The following WDHD1 variants were observed in gnomAD, a reference collection of about 807,000 sequenced individuals.
WDHD1 encodes the protein WD repeat and HMG-box DNA-binding protein 1.
A neutral mutation model predicts 135.4 loss-of-function variants in WDHD1; 111 were observed. The ratio of observed to expected loss-of-function variants is 0.82; its 90% CI spans 0.70 to 0.96. The LOEUF (loss-of-function observed/expected upper bound fraction) is 0.96. Among genes scored for constraint, WDHD1 ranks in the 40% least tolerant of loss-of-function variants. The pLI, the probability that WDHD1 is intolerant of heterozygous loss-of-function variation, is 0.00. For missense variants in WDHD1, 1,351 were observed against 1,336.3 expected (o/e 1.01, Z -0.17); for synonymous variants, 434 against 439.0 (o/e 0.99, Z 0.14).
rs980033156 is a variant in WDHD1, at chr14:54,960,165, T to G, written c.2701+2333A>C. On this transcript the variant is annotated intron_variant, in intron 21 of 25. Coordinates refer to ENST00000360586, the MANE Select transcript of WDHD1 (RefSeq NM_007086.4). ...TCTCATTTGGACTGCCTCTGTAGTT[T>G]GTTTGTTTATTTATTTATTTGAGAT... Among the ~76,000 whole-genome samples, 3 of 152,210 alleles carry G rather than the reference T, an allele frequency of 2.0e-5. No individual in the cohort carries two copies. The South Asian group carries it at 6.2e-4, about 32-fold the overall frequency.
At position 54,939,024 on chromosome 14, in the gene WDHD1, G is replaced by A. The variant is rs1432330460; in HGVS notation, c.*2466C>T. 6.6e-6 allele frequency: 1 copy of A among 152,032 alleles called. No homozygotes were observed. Among genetic ancestry groups the A allele is most frequent in the Non-Finnish European group, 1.5e-5 (1 of 68,014 alleles). 9.4% of individuals were successfully genotyped at this position (152,032 alleles called of 1,614,324 possible). On this transcript the variant is annotated 3_prime_UTR_variant, in exon 26 of 26. Transcript: ENST00000360586. ...ATGAAGTATATGCATATTCCAAATG[G>A]TTCAGGAAAAATCCTGTCTATAAAG...
intron 7 of WDHD1, among the ~76,000 whole-genome samples, chr14:55,003,344 T>A (rs1438058072): frequency 6.6e-6 from 1 of 151,720 alleles, no homozygotes; most frequent in Admixed American, 6.6e-5. Context: ...ACCCTGTCTC[T>A]ACAAAAAATA....
At chr14:55,021,113 G>A (rs1056738251) in intron 2 of WDHD1, among the ~76,000 whole-genome samples, 5 of 152,200 alleles carry the variant, frequency 3.3e-5, no homozygotes, top group Admixed American at 2.0e-4. Flanking sequence ...CATAATTTCC[G>A]TCTGACTCTT....
Position 55,007,294 on chromosome 14 carries a change from G to A in WDHD1, c.586C>T (p.Pro196Ser). 1 of 1,588,800 alleles carries A rather than the reference G, an allele frequency of 6.3e-7. No homozygotes were observed. The highest frequency in any genetic ancestry group is 1.7e-4 in the Middle Eastern group (1 of 5,964). ...AKSICRLAWQ[P>S]KSGKLLAIPV... is the part of the protein sequence containing the mutation. ...GAATCACTTACCTTCCCACTTTTTG[G>A]CTGCCAAGCAAGTCTGCAGATTGAT... is the stretch of plus-strand genomic sequence containing the variant. The change falls in exon 7 of 26, where the codon CCA becomes TCA. Residue 196 changes from proline (P) to serine (S), a missense_variant. By Grantham distance (74) the Pro-to-Ser change is moderately conservative. Transcript: ENST00000360586.
At chr14:55,009,008 G>A (rs1235691808) in intron 4 of WDHD1, among the ~76,000 whole-genome samples, 1 of 152,036 alleles carries the variant, frequency 6.6e-6, no homozygotes, top group Non-Finnish European at 1.5e-5. Flanking sequence ...TGTTGGTCAG[G>A]CTGGTCTTGA....
chr14:55,013,194 C>CAA lies in WDHD1; in HGVS notation c.189+289_189+290dup, dbSNP rs71448422. 1.8e-3 allele frequency among the ~76,000 whole-genome samples: 148 copies of CAA among 82,280 alleles called. 1 individual carries two copies. The highest frequency in any genetic ancestry group is 0.01 in the Middle Eastern group (1 of 98). The allele number at this position is 82,280 out of a possible 152,430, so 54.0% of individuals were successfully genotyped here. On this transcript the variant is annotated intron_variant, in intron 3 of 25. Transcript: ENST00000360586. Reference sequence around the variant, plus strand: ...TGAGCAACATGGCAAGATCCCGTTTCAAAAAAAAAAAAAAAAAAAAAAAAT... The same window carrying CAA: ...TGAGCAACATGGCAAGATCCCGTTTCAAAAAAAAAAAAAAAAAAAAAAAAAAT...
chr14:54,959,520 T>G (rs1294995988), intron 21 of WDHD1, among the ~76,000 whole-genome samples: 1 of 151,952 alleles, frequency 6.6e-6, no homozygotes, highest in Admixed American at 6.6e-5. Flanking sequence ...CCGAAAATTT[T>G]GGGAGGCTAA....
intron 25 of WDHD1, among the ~76,000 whole-genome samples, chr14:54,943,579 G>A (rs1308244442): frequency 6.6e-6 from 1 of 151,960 alleles, no homozygotes; most frequent in East Asian, 1.9e-4. Context: ...TTAAATTTTT[G>A]TAGAGATGGT....
Position 54,941,504 on chromosome 14 carries a change from A to C in WDHD1, c.3376T>G (p.Phe1126Val). The change falls in exon 26 of 26, where the codon TTT becomes GTT. Residue 1126 changes from phenylalanine to valine, a missense_variant. Transcript: ENST00000360586. ...ACTTTCTTCCTTTACTCCTGCTTAA[A>C]TGCAAAAGCTGATAGTTTCTGATTT... ...STNQKLSAFA[F>V]KQE The C allele has an allele frequency of 1.2e-6, 2 of 1,611,030 alleles. No individual in the cohort carries two copies. The highest frequency in any genetic ancestry group is 1.7e-6 in the Non-Finnish European group (2 of 1,179,438).
rs146745713 is a variant in WDHD1 at position 55,025,947 on chromosome 14, C to T, written c.77+764G>A. Among the ~76,000 whole-genome samples the T allele has an allele frequency of 3.5e-3, 540 of 152,370 alleles. 7 individuals are homozygous for T. The highest frequency in any genetic ancestry group is 0.012 in the African/African-American group (516 of 41,590). On this transcript the variant is annotated intron_variant, in intron 2 of 25. Coordinates refer to ENST00000360586, the MANE Select transcript of WDHD1 (RefSeq NM_007086.4). ...TCAAGAAACACTTGTCCAAAGAAGCCTTCCCTGACTCCTTTAACTAGATGA... is the reference window on the plus strand; with the variant it reads ...TCAAGAAACACTTGTCCAAAGAAGCTTTCCCTGACTCCTTTAACTAGATGA...
At chr14:54,974,515 TAAAG>T (rs199917355) in intron 16 of WDHD1, among the ~76,000 whole-genome samples, 3,592 of 150,192 alleles carry the variant, frequency 0.024, 62 homozygotes, top group South Asian at 0.04. Flanking sequence ...TTTGTTATAT[TAAAG>T]AAAGAGTTTA....
chr14:54,945,341 C>T (rs1403335747), intron 24 of WDHD1, among the ~76,000 whole-genome samples: 3 of 152,186 alleles, frequency 2.0e-5, no homozygotes. Context: ...TGATCACTTA[C>T]TATCTACCAG....
At chr14:54,942,701 C>T (rs1312410737) in intron 25 of WDHD1, among the ~76,000 whole-genome samples, 3 of 152,160 alleles carry the variant, frequency 2.0e-5, no homozygotes, top group African/African-American at 7.2e-5. Flanking sequence ...TTCATTTCAT[C>T]TGTCTCTAAA....
rs758800696 is a variant in WDHD1 at position 54,963,188 on chromosome 14, G to C, written c.2311-16C>G. On this transcript the variant is annotated splice_polypyrimidine_tract_variant and intron_variant, in intron 18 of 25. Transcript: ENST00000360586. ...TACAAGAAAGCTAATCCAAAAAGGG[G>C]GGGGGGGGGGAGATCAAATAACATC... 4.1e-4 allele frequency: 386 copies of C among 946,762 alleles called. 17 individuals are homozygous for C. The highest frequency in any genetic ancestry group is 1.3e-3 in the African/African-American group (69 of 53,682). 58.6% of individuals were successfully genotyped at this position (946,762 alleles called of 1,614,324 possible).
chr14:54,973,981 T>C (rs766033684), intron 16 of WDHD1, among the ~76,000 whole-genome samples: 3 of 151,928 alleles, frequency 2.0e-5, no homozygotes, highest in Non-Finnish European at 4.4e-5. Context: ...ATCCCCGTCA[T>C]AGAAGAATTC....
rs998149097 is a variant in WDHD1, at chr14:54,980,127, C to A, written c.2063+1413G>T. Among the ~76,000 whole-genome samples the A allele has an allele frequency of 5.9e-5, 9 of 152,050 alleles. 1 individual carries two copies. The highest frequency in any genetic ancestry group is 3.9e-4 in the Admixed American group (6 of 15,268). ...ATCCCTTAAGCCCAGGAATTTGAGA[C>A]CAGCCTAGGCAACATGGTGAAACCC... On this transcript the variant is annotated intron_variant, in intron 16 of 25. Transcript: ENST00000360586.
At chr14:54,946,071 G>C (rs896951863) in intron 24 of WDHD1, among the ~76,000 whole-genome samples, 1 of 152,014 alleles carries the variant, frequency 6.6e-6, no homozygotes, top group Non-Finnish European at 1.5e-5. Flanking sequence ...TAAAAATCAA[G>C]GTATAACAAA....
chr14:54,957,266 C>A (rs940282008), intron 22 of WDHD1, 62 bp from the exon 23 acceptor site: 1 of 1,508,024 alleles, frequency 6.6e-7, no homozygotes, highest in Non-Finnish European at 8.9e-7. Flanking sequence ...TCCCAAGAGA[C>A]TTATTTTTTC....
At chr14:55,001,434 A>C (rs2041979270) in intron 8 of WDHD1, among the ~76,000 whole-genome samples, 1 of 152,014 alleles carries the variant, frequency 6.6e-6, no homozygotes, top group Admixed American at 6.6e-5. Context: ...CTAATTTTTT[A>C]GTATTTTTTG....
Sources: gnomAD v4.1 joint callset for allele counts (sites outside exome capture counted in the v4.1 genomes callset) on GRCh38, gnomAD v4.1.1 for gene constraint, MANE v1.5 for transcripts, NCBI Gene and HGNC (gene_info 2026-07-23, HGNC 2026-07-21) for gene names.